Variants in PSD2 observed in about 807,000 individuals in gnomAD.
PSD2 encodes PH and SEC7 domain-containing protein 2.
In PSD2, 38 loss-of-function variants were observed where a neutral mutation model predicts 69.8. The ratio of observed to expected loss-of-function variants is 0.54; its 90% CI spans 0.42 to 0.71. The LOEUF (loss-of-function observed/expected upper bound fraction) is 0.71. Ranked by LOEUF, PSD2 falls within the 30% of genes least tolerant of loss-of-function variation. PSD2 has a pLI of 0.00. For missense variants in PSD2, 943 were observed against 1,014.5 expected (o/e 0.93, Z 0.96); for synonymous variants, 412 against 423.0 (o/e 0.97, Z 0.32).
chr5:139,824,420 G>T (rs145184830), intron 7 of PSD2, among the ~76,000 whole-genome samples: 1 of 126,264 alleles, frequency 7.9e-6, no homozygotes, highest in Non-Finnish European at 1.6e-5. Flanking sequence ...TTTTTGAGAC[G>T]GAGTCTCACT....
At chr5:139,767,501 G>A in the PSD2 span, among the ~76,000 whole-genome samples, 1 of 151,716 alleles carries the variant, frequency 6.6e-6, no homozygotes, top group African/African-American at 2.4e-5. Context: ...TTTTAGTAGA[G>A]ACGGGGTTTC....
chr5:139,792,753 C>G (rs189485565), upstream of PSD2, among the ~76,000 whole-genome samples: 11 of 150,850 alleles, frequency 7.3e-5, no homozygotes, highest in Admixed American at 5.9e-4. Context: ...TTCTTTCTTT[C>G]TTTCTCTTTC....
chr5:139,757,663 C>T, the PSD2 span, among the ~76,000 whole-genome samples: 2 of 152,184 alleles, frequency 1.3e-5, no homozygotes, highest in Non-Finnish European at 2.9e-5. Context: ...CTAAATATCT[C>T]CAACCCTAGA....
intron 7 of PSD2, among the ~76,000 whole-genome samples, chr5:139,830,598 TTCTTTCTTTCTCTTTCTTTCTTTCTTTC>T (rs1760562747): frequency 2.2e-4 from 29 of 130,680 alleles, no homozygotes; most frequent in African/African-American, 9.4e-4. Context: ...TTCTTTTTCT[TTCTTTCTTTCTCTTTCTTTCTTTCTTTC>T]TCTTTCTTTC....
chr5:139,792,900 TTCCTTCC>T (rs1421559414), upstream of PSD2, among the ~76,000 whole-genome samples: 1 of 146,280 alleles, frequency 6.8e-6, no homozygotes, highest in African/African-American at 2.6e-5. Context: ...CCTTCCTTCC[TTCCTTCC>T]TTCTTTCTTT....
In PSD2 at chr5:139,814,201, T is replaced by A; in HGVS notation, c.853T>A (p.Ser285Thr). 6.2e-7 allele frequency: 1 copy of A among 1,613,742 alleles called. No individual in the cohort carries two copies. The highest frequency in any genetic ancestry group is 1.1e-5 in the South Asian group (1 of 91,026). ...CAGCCTGAAGGATGGCCTGTCAGAC[T>A]CAGACTCTGAGCTCAGCAGCTCGGA... is the stretch of plus-strand genomic sequence containing the variant. ...DPSLKDGLSD[S>T]DSELSSSEGL... is the part of the protein sequence containing the mutation. The change falls in exon 4 of 15, where the codon TCA becomes ACA. Residue 285 changes from serine (S) to threonine (T), a missense_variant. Physicochemically the swap from Ser to Thr is moderately conservative, Grantham distance 58. Around this residue, in one of 3 missense-constraint regions of PSD2, gnomAD observed 466 missense variants for 445.0 expected, o/e 1.05. Coordinates refer to ENST00000274710, the MANE Select transcript of PSD2 (RefSeq NM_032289.4). This position sits in a 1 kb window ranked among gnomAD's most constrained non-coding sequence, Gnocchi z 4.4.
chr5:139,768,827 G>A, the PSD2 span, among the ~76,000 whole-genome samples: 8 of 152,130 alleles, frequency 5.3e-5, no homozygotes, highest in Non-Finnish European at 1.0e-4. Context: ...CATGGTGGGT[G>A]CATCATGCCT....
chr5:139,826,455 TG>T (rs1760423288), intron 7 of PSD2, among the ~76,000 whole-genome samples: 1 of 151,890 alleles, frequency 6.6e-6, no homozygotes, highest in Non-Finnish European at 1.5e-5. Flanking sequence ...TTAGTGTGAG[TG>T]GGGAATGTTG....
At chr5:139,766,908 C>T in the PSD2 span, among the ~76,000 whole-genome samples, 5 of 64,576 alleles carry the variant, frequency 7.7e-5, no homozygotes, top group Middle Eastern at 6.3e-3. Flanking sequence ...TCTTTCCCTC[C>T]CTTCCTTCCT....
At chr5:139,792,379 C>T (rs867956736), upstream of PSD2, among the ~76,000 whole-genome samples, 20 of 152,256 alleles carry the variant, frequency 1.3e-4, no homozygotes, top group Admixed American at 6.5e-5. Flanking sequence ...ATTGGTGGGT[C>T]CCTCTGTCCC....
Position 139,837,646 on chromosome 5 carries a change from G to A in PSD2, c.1687G>A (p.Ala563Thr). 6.2e-7 allele frequency: 1 copy of A among 1,612,426 alleles called. No individual in the cohort carries two copies. The highest frequency in any genetic ancestry group is 8.5e-7 in the Non-Finnish European group (1 of 1,178,732). Reference sequence around the variant, plus strand: ...CCAGGATGAGTACAGGCCTGACAAAGCTCTATCGGAGGGTGACCTGAAGAA... The same window carrying A: ...CCAGGATGAGTACAGGCCTGACAAAACTCTATCGGAGGGTGACCTGAAGAA... The part of the protein sequence containing the change: ...LQKDEYRPDK[A>T]LSEGDLKNAI... The change falls in exon 12 of 15, where the codon GCT becomes ACT. Residue 563 changes from alanine to threonine, a missense_variant. Ala to Thr is a moderately conservative substitution (Grantham distance 58). Around this residue, in one of 3 missense-constraint regions of PSD2, gnomAD observed 312 missense variants for 400.7 expected, o/e 0.78. Coordinates refer to ENST00000274710, the MANE Select transcript of PSD2 (RefSeq NM_032289.4). This position sits in a 1 kb window ranked among gnomAD's most constrained non-coding sequence, Gnocchi z 5.0.
At chr5:139,786,343 C>A in the PSD2 span, among the ~76,000 whole-genome samples, 1 of 151,900 alleles carries the variant, frequency 6.6e-6, no homozygotes, top group East Asian at 1.9e-4. Context: ...ACAAAGATCG[C>A]TGCCACTGCA....
At chr5:139,797,106 C>T (rs1405517740) in intron 1 of PSD2, among the ~76,000 whole-genome samples, 1 of 152,180 alleles carries the variant, frequency 6.6e-6, no homozygotes, top group Non-Finnish European at 1.5e-5. Flanking sequence ...TTTCATTCTT[C>T]CACCCTCTCC....
chr5:139,823,144 C>T (rs932558320), intron 7 of PSD2, among the ~76,000 whole-genome samples: 1 of 152,232 alleles, frequency 6.6e-6, no homozygotes, highest in Non-Finnish European at 1.5e-5. Flanking sequence ...CCCAAATCCC[C>T]GGCCCCTACC....
chr5:139,787,564 G>A, the PSD2 span, among the ~76,000 whole-genome samples: 1 of 152,258 alleles, frequency 6.6e-6, no homozygotes, highest in Non-Finnish European at 1.5e-5. Flanking sequence ...ACCAGCGTTT[G>A]TTGGTGTTCT....
chr5:139,841,167 T>C lies in PSD2; in HGVS notation c.2112+997T>C, dbSNP rs1295930509. 3.9e-5 allele frequency among the ~76,000 whole-genome samples: 6 copies of C among 152,376 alleles called. No individual in the cohort carries two copies. The South Asian group carries it at 1.0e-3, about 26-fold the overall frequency. ...TGTGATTGAATTATTTTACTTAGCA[T>C]AATGTCCTTAAGGTTCATCCATGTT... On this transcript the variant is annotated intron_variant, in intron 14 of 14. Transcript: ENST00000274710.
chr5:139,842,180 A>G (rs1055643865), intron 14 of PSD2, 91 bp from the exon 15 acceptor site: 1 of 997,610 alleles, frequency 1.0e-6, no homozygotes, highest in East Asian at 2.5e-5. Flanking sequence ...AGCTCTCTGC[A>G]TATTAAGGAA....
At chr5:139,755,021 T>G in the PSD2 span, among the ~76,000 whole-genome samples, 1 of 152,152 alleles carries the variant, frequency 6.6e-6, no homozygotes, top group African/African-American at 2.4e-5. Flanking sequence ...CAGCCAACAT[T>G]TAGTGCTTGC....
At chr5:139,792,741 TTTTC>T (rs974093553), upstream of PSD2, among the ~76,000 whole-genome samples, 18 of 151,894 alleles carry the variant, frequency 1.2e-4, no homozygotes, top group African/African-American at 1.7e-4. Context: ...TCTCTTTCTT[TTTTC>T]TTTCTTTCTT....
Sources: allele counts gnomAD v4.1 joint callset (sites outside exome capture counted in the v4.1 genomes callset), GRCh38; gene constraint gnomAD v4.1.1; regional missense constraint gnomAD v4.1.1; non-coding constraint Gnocchi (gnomAD v3.1); transcripts MANE v1.5; gene names NCBI Gene and HGNC (gene_info 2026-07-23, HGNC 2026-07-21).